Variants in CUL3 observed in about 807,000 individuals in gnomAD.
CUL3 encodes cullin-3.
CUL3 carries 19 observed loss-of-function variants against 89.1 expected under a neutral mutation model. The observed-to-expected ratio is 0.21, with a 90% CI of 0.15 to 0.31. CUL3 has a LOEUF of 0.31. Among genes scored for constraint, CUL3 ranks in the 10% least tolerant of loss-of-function variants. CUL3 has a pLI of 1.00. For missense variants in CUL3, 469 were observed against 942.3 expected (o/e 0.50, Z 6.58); for synonymous variants, 351 against 308.4 (o/e 1.14, Z -1.45).
chr2:224,514,570 T>G, intron 4 of CUL3, 42 bp downstream of exon 4: 2 of 1,518,434 alleles, frequency 1.3e-6, no homozygotes, highest in Non-Finnish European at 1.8e-6. Flanking sequence ...CAAGATATAA[T>G]CACTAAAACC....
chr2:224,499,800 G>C (rs781235649), intron 11 of CUL3: 3 of 211,832 alleles, frequency 1.4e-5, no homozygotes, highest in Non-Finnish European at 3.0e-5. Flanking sequence ...TTCATCCCTA[G>C]TGTTCACACG....
chr2:224,476,677 C>G (rs1174134042), intron 15 of CUL3, among the ~76,000 whole-genome samples: 1 of 152,218 alleles, frequency 6.6e-6, no homozygotes, highest in Non-Finnish European at 1.5e-5. Context: ...TCAGTAACAT[C>G]TGTGTCAGTA....
intron 1 of CUL3, chr2:224,569,862 G>C (rs138858179): frequency 1.3e-4 from 130 of 967,996 alleles, no homozygotes; most frequent in Middle Eastern, 6.6e-4. Flanking sequence ...GGGGGAAAGG[G>C]TGAGAATTTG....
Position 224,472,037 on chromosome 2 carries a change from AAAAT to A in CUL3, c.*2204_*2207del, listed in dbSNP as rs1318704178. ...TATTTTGTTATAACCTTTATGACCT[AAAAT>A]AATACTTATGCAGTCAAACATATAA... On this transcript the variant is annotated 3_prime_UTR_variant, in exon 16 of 16. Transcript: ENST00000264414. The A allele has an allele frequency of 8.7e-6, 2 of 231,058 alleles. No individual in the cohort carries two copies. Among genetic ancestry groups the A allele is most frequent in the African/African-American group, 2.2e-5 (1 of 45,256 alleles). The allele number at this position is 231,058 out of a possible 1,614,324, so 14.3% of individuals were successfully genotyped here. A position where few individuals can be genotyped will look rare whatever the true frequency, so the allele number is the denominator to read the frequency against.
At chr2:224,566,077 C>T (rs1231390570) in intron 1 of CUL3, among the ~76,000 whole-genome samples, 1 of 152,146 alleles carries the variant, frequency 6.6e-6, no homozygotes, top group Non-Finnish European at 1.5e-5. Context: ...CCCCACCTTC[C>T]CCATCTACAG....
At chr2:224,497,946 G>A (rs1574629368) in intron 11 of CUL3, 97 bp from the exon 12 acceptor site, 2 of 893,542 alleles carry the variant, frequency 2.2e-6, no homozygotes, top group Admixed American at 2.1e-5. Flanking sequence ...TTGTGTGTGT[G>A]TGTGTGTGTG....
intron 1 of CUL3, among the ~76,000 whole-genome samples, chr2:224,568,855 T>C (rs1319188003): frequency 2.6e-5 from 4 of 152,176 alleles, no homozygotes; most frequent in African/African-American, 7.2e-5. Flanking sequence ...ATACACATGA[T>C]CGGGTCTTGG....
At chr2:224,578,583 ATGGT>A (rs1695364589) in intron 1 of CUL3, among the ~76,000 whole-genome samples, 1 of 152,158 alleles carries the variant, frequency 6.6e-6, no homozygotes, top group Non-Finnish European at 1.5e-5. Flanking sequence ...TTAACAGACT[ATGGT>A]TGAATAGTTT....
rs565900258 is a variant in CUL3, at chr2:224,471,645, CTTT to C, written c.*2597_*2599del. On this transcript the variant is annotated 3_prime_UTR_variant, in exon 16 of 16. Coordinates refer to ENST00000264414, the MANE Select transcript of CUL3 (RefSeq NM_003590.5). ...AGGCATGCATCTCTTCCCCCATTCC[CTTT>C]TTAAGTTCACTGACATAAAGAATCC... 1.9e-5 allele frequency: 4 copies of C among 213,872 alleles called. No individual in the cohort carries two copies. The South Asian group carries it at 7.5e-4, about 40-fold the overall frequency. 13.2% of individuals were successfully genotyped at this position (213,872 alleles called of 1,614,324 possible).
At chr2:224,581,995 G>A (rs1215727799) in intron 1 of CUL3, among the ~76,000 whole-genome samples, 1 of 149,034 alleles carries the variant, frequency 6.7e-6, no homozygotes, top group Non-Finnish European at 1.5e-5. Context: ...ACAGAGTTTC[G>A]CTTTTGTTGC....
intron 6 of CUL3, among the ~76,000 whole-genome samples, chr2:224,509,676 A>G (rs755675472): frequency 2.6e-5 from 4 of 152,244 alleles, no homozygotes; most frequent in Non-Finnish European, 5.9e-5. Flanking sequence ...CACCTTTTAC[A>G]TACATCTCCA....
intron 2 of CUL3, among the ~76,000 whole-genome samples, chr2:224,554,850 C>A (rs1694646041): frequency 6.6e-6 from 1 of 152,090 alleles, no homozygotes; most frequent in Non-Finnish European, 1.5e-5. Context: ...TCAGCTGTTC[C>A]AATCTTCTCT....
chr2:224,562,493 C>T (rs1361079086), intron 1 of CUL3, among the ~76,000 whole-genome samples: 2 of 151,912 alleles, frequency 1.3e-5, no homozygotes, highest in African/African-American at 2.4e-5. Flanking sequence ...CAAAAAATAG[C>T]CGGATGTGGT....
At chr2:224,582,221 C>CT (rs1695458447) in intron 1 of CUL3, among the ~76,000 whole-genome samples, 1 of 152,192 alleles carries the variant, frequency 6.6e-6, no homozygotes, top group Admixed American at 6.5e-5. Context: ...CCTGCCTCGG[C>CT]CTCCCAAAGT....
chr2:224,477,247 A>C (rs573925242), intron 15 of CUL3, among the ~76,000 whole-genome samples: 2 of 152,308 alleles, frequency 1.3e-5, no homozygotes, highest in East Asian at 3.9e-4. Context: ...TTCTGATTCA[A>C]TTCTCAGGCT....
chr2:224,470,334 A>G lies in CUL3; in HGVS notation c.*3911T>C, dbSNP rs1691079360. The stretch of plus-strand genomic sequence containing the variant: ...AAGCTATTTTTGCATGGCTCACTCG[A>G]GGTCAACTTAGACCCTAAAACTGAG... On this transcript the variant is annotated 3_prime_UTR_variant, in exon 16 of 16. Coordinates refer to ENST00000264414, the MANE Select transcript of CUL3 (RefSeq NM_003590.5). The G allele has an allele frequency of 1.3e-5, 3 of 228,286 alleles. No individual in the cohort carries two copies. The Admixed American group carries it at 1.7e-4, about 13-fold the overall frequency. The allele number at this position is 228,286 out of a possible 1,614,324, so 14.1% of individuals were successfully genotyped here. A position where few individuals can be genotyped will look rare whatever the true frequency, so the allele number is the denominator to read the frequency against.
chr2:224,530,733 C>T (rs1254502905), intron 3 of CUL3, among the ~76,000 whole-genome samples: 1 of 152,050 alleles, frequency 6.6e-6, no homozygotes, highest in Admixed American at 6.6e-5. Context: ...ATGGCGAAAC[C>T]CCATCTCTAC....
Position 224,473,599 on chromosome 2 carries a change from C to G in CUL3, c.*646G>C, listed in dbSNP as rs1691209772. On this transcript the variant is annotated 3_prime_UTR_variant, in exon 16 of 16. Coordinates refer to ENST00000264414, the MANE Select transcript of CUL3 (RefSeq NM_003590.5). ...TTATAAGACTTAATTTGGGAAATCT[C>G]AAATTACAACAGGGAGAAACCAAAT... 1 of 185,604 alleles carries G rather than the reference C, an allele frequency of 5.4e-6. No individual in the cohort carries two copies. Among genetic ancestry groups the G allele is most frequent in the Non-Finnish European group, 1.1e-5 (1 of 87,442 alleles). 11.5% of individuals were successfully genotyped at this position (185,604 alleles called of 1,614,324 possible).
chr2:224,522,835 C>G (rs1829922), intron 3 of CUL3, among the ~76,000 whole-genome samples: 1 of 150,240 alleles, frequency 6.7e-6, no homozygotes, highest in Admixed American at 6.6e-5. Flanking sequence ...CTCAAAAAAA[C>G]AATCCTTCTC....
Sources: allele counts gnomAD v4.1 joint callset (sites outside exome capture counted in the v4.1 genomes callset), GRCh38; gene constraint gnomAD v4.1.1; transcripts MANE v1.5; gene names NCBI Gene and HGNC (gene_info 2026-07-23, HGNC 2026-07-21).